Variants in PDS5B observed in about 807,000 individuals in gnomAD.
The protein encoded by PDS5B is PDS5 cohesin associated factor B, also known as sister chromatid cohesion protein PDS5 homolog B.
PDS5B carries 51 observed loss-of-function variants against 184.1 expected under a neutral mutation model. That is an observed-to-expected ratio of 0.28 (90% CI 0.22 to 0.35). PDS5B has a LOEUF of 0.35. Ranked by LOEUF, PDS5B falls within the 10% of genes least tolerant of loss-of-function variation. The pLI is 1.00. For missense variants in PDS5B, 1,180 were observed against 1,723.3 expected (o/e 0.68, Z 5.58); for synonymous variants, 566 against 569.2 (o/e 0.99, Z 0.08).
rs1566282620 is a variant in PDS5B, at chr13:32,648,850, A to T, written c.78A>T (p.Ile26=). 6.6e-7 allele frequency: 1 copy of T among 1,517,358 alleles called. No homozygotes were observed. Among genetic ancestry groups the T allele is most frequent in the Non-Finnish European group, 9.2e-7 (1 of 1,091,678 alleles). The allele number at this position is 1,517,358 out of a possible 1,614,324, so 94.0% of individuals were successfully genotyped here. Residue 26 remains isoleucine, a synonymous_variant, in exon 2 of 35, where the codon ATA becomes ATT. Transcript: ENST00000315596. ...PPGVKEISDK[I]SKEEMVRRLK... is the part of the protein sequence containing the mutation. Reference sequence around the variant, plus strand: ...GGGTCAAGGAAATATCAGATAAAATATCTAAAGAGGAGATGGTGAGACGAT... The same window carrying T: ...GGGTCAAGGAAATATCAGATAAAATTTCTAAAGAGGAGATGGTGAGACGAT...
intron 1 of PDS5B, among the ~76,000 whole-genome samples, chr13:32,646,875 C>T (rs1950241680): frequency 6.6e-6 from 1 of 152,102 alleles, no homozygotes; most frequent in Non-Finnish European, 1.5e-5. Flanking sequence ...TGGTTGTAAA[C>T]TTCTAGATTT....
chr13:32,691,012 T>C (rs1951532400), intron 13 of PDS5B: 1 of 152,076 alleles, frequency 6.6e-6, no homozygotes, highest in Non-Finnish European at 1.5e-5. Flanking sequence ...CCTTTTTAAT[T>C]ATGTAATAAT....
intron 23 of PDS5B, among the ~76,000 whole-genome samples, chr13:32,744,568 G>A (rs536405239): frequency 1.3e-5 from 2 of 152,098 alleles, no homozygotes; most frequent in South Asian, 4.1e-4. Flanking sequence ...AAAAGTTTAC[G>A]AGGTTAAATA....
At chr13:32,687,032 A>T in intron 11 of PDS5B, 102 bp from the exon 12 acceptor site, 1 of 837,574 alleles carries the variant, frequency 1.2e-6, no homozygotes, top group Non-Finnish European at 1.9e-6. Flanking sequence ...ACTTAAAAAA[A>T]TGTATAAAGG....
rs1215047778 is a variant in PDS5B, at chr13:32,699,643, G to A, written c.1601-87G>A. ...TGAATTTGTACGTAAGGATTTTAAG[G>A]CAATAAAAGGAATGAAAAATATTGA... On this transcript the variant is annotated intron_variant, in intron 15 of 34. Transcript: ENST00000315596. 6 of 684,490 alleles carry A rather than the reference G, an allele frequency of 8.8e-6. No homozygotes were observed. In the Admixed American group the frequency reaches 2.5e-4, roughly 29 times the overall value. The allele number at this position is 684,490 out of a possible 1,614,324, so 42.4% of individuals were successfully genotyped here. A position where few individuals can be genotyped will look rare whatever the true frequency, so the allele number is the denominator to read the frequency against.
chr13:32,752,350 C>G (rs761025398), intron 24 of PDS5B, among the ~76,000 whole-genome samples: 12 of 152,136 alleles, frequency 7.9e-5, no homozygotes, highest in Non-Finnish European at 1.8e-4. Flanking sequence ...GTACTATCCT[C>G]AGTTTCAGGC....
At chr13:32,731,069 T>G (rs1411074413) in intron 19 of PDS5B, among the ~76,000 whole-genome samples, 2 of 152,214 alleles carry the variant, frequency 1.3e-5, no homozygotes, top group African/African-American at 4.8e-5. Flanking sequence ...TTCAGTATAA[T>G]ATTAAAGAAT....
At chr13:32,639,882 A>T (rs964845911) in intron 1 of PDS5B, among the ~76,000 whole-genome samples, 1 of 152,196 alleles carries the variant, frequency 6.6e-6, no homozygotes, top group African/African-American at 2.4e-5. Context: ...TAGTGGTTTG[A>T]TTTGATTTCT....
In PDS5B at chr13:32,735,299, T is replaced by A. The variant is rs958158846; in HGVS notation, c.2375T>A (p.Phe792Tyr). 16 of 1,612,068 alleles carry A rather than the reference T, an allele frequency of 9.9e-6. No homozygotes were observed. Among genetic ancestry groups the A allele is most frequent in the Non-Finnish European group, 1.4e-5 (16 of 1,178,686 alleles). Residue 792 changes from phenylalanine to tyrosine, a missense_variant, in exon 21 of 35, where the codon TTC (phenylalanine) becomes TAC (tyrosine). Physicochemically the swap from Phe to Tyr is conservative, Grantham distance 22. Transcript: ENST00000315596. ...AAPLKSLVATFIVKDLLMNDR... is the reference protein window; with the variant it reads ...AAPLKSLVATYIVKDLLMNDR... ...CCTTTGAAATCTTTGGTAGCTACTT[T>A]CATTGTGAAAGATCTTCTCATGAAT...
intron 15 of PDS5B, among the ~76,000 whole-genome samples, 183 bp downstream of exon 15, chr13:32,697,085 T>C (rs1951728566): frequency 6.6e-6 from 1 of 152,172 alleles, no homozygotes; most frequent in African/African-American, 2.4e-5. Context: ...TTTAAGAGTT[T>C]ATTGAAATCA....
chr13:32,602,334 G>A (rs1045147026), intron 1 of PDS5B, among the ~76,000 whole-genome samples: 2 of 152,140 alleles, frequency 1.3e-5, no homozygotes, highest in African/African-American at 4.8e-5. Flanking sequence ...ACCTATGAGT[G>A]AGAACATGTG....
At chr13:32,654,676 A>ACCCTCCTCC (rs1483968986) in intron 3 of PDS5B, among the ~76,000 whole-genome samples, 1 of 151,814 alleles carries the variant, frequency 6.6e-6, no homozygotes, top group Admixed American at 6.6e-5. Context: ...TCCGATCCTC[A>ACCCTCCTCC]CCCTCCTCCC....
In PDS5B at chr13:32,709,969, C is replaced by A; in HGVS notation, c.1986C>A (p.Ile662=). The change falls in exon 19 of 35, where the codon ATC becomes ATA. Residue 662 remains isoleucine, a synonymous_variant. Transcript: ENST00000315596. ...AGGTACTCTCATTTACACATCCCAT[C>A]TCATTTCATTCTGCTGAAACATTTG... The part of the protein sequence containing the change: ...LLKVLSFTHP[I]SFHSAETFES... 2 of 1,478,324 alleles carry A rather than the reference C, an allele frequency of 1.4e-6. No individual in the cohort carries two copies. The highest frequency in any genetic ancestry group is 1.5e-5 in the South Asian group (1 of 65,398). 91.6% of individuals were successfully genotyped at this position (1,478,324 alleles called of 1,614,324 possible). A position where few individuals can be genotyped will look rare whatever the true frequency, so the allele number is the denominator to read the frequency against.
At chr13:32,744,534 T>G (rs1481123284) in intron 23 of PDS5B, among the ~76,000 whole-genome samples, 5 of 152,112 alleles carry the variant, frequency 3.3e-5, no homozygotes, top group Admixed American at 3.3e-4. Flanking sequence ...CTCTGCTTAA[T>G]AAAGCTAAAA....
intron 1 of PDS5B, among the ~76,000 whole-genome samples, chr13:32,646,114 T>G (rs1195445629): frequency 6.6e-6 from 1 of 152,016 alleles, no homozygotes; most frequent in Non-Finnish European, 1.5e-5. Context: ...AAGCAGGACT[T>G]CCACCTCAGC....
intron 1 of PDS5B, among the ~76,000 whole-genome samples, chr13:32,605,674 A>C (rs946148416): frequency 6.6e-6 from 1 of 152,108 alleles, no homozygotes; most frequent in Admixed American, 6.6e-5. Context: ...TGGGGTGTTA[A>C]AGTCTCCCGT....
intron 10 of PDS5B, among the ~76,000 whole-genome samples, chr13:32,679,264 C>T (rs917366588): frequency 6.6e-6 from 1 of 152,048 alleles, no homozygotes; most frequent in African/African-American, 2.4e-5. Flanking sequence ...CTGTTCAAAT[C>T]CAAATGTCTA....
intron 21 of PDS5B, among the ~76,000 whole-genome samples, chr13:32,736,171 C>G (rs895747422): frequency 2.6e-5 from 4 of 152,044 alleles, no homozygotes; most frequent in Non-Finnish European, 5.9e-5. Flanking sequence ...TCACCCAGTT[C>G]TATTACTGCT....
At chr13:32,663,048 C>G (rs1330193898) in intron 6 of PDS5B, among the ~76,000 whole-genome samples, 22 of 151,932 alleles carry the variant, frequency 1.4e-4, no homozygotes, top group Non-Finnish European at 1.5e-5. Flanking sequence ...AGCCTATAAC[C>G]AATACATTTA....
Sources: allele counts gnomAD v4.1 joint callset (sites outside exome capture counted in the v4.1 genomes callset), GRCh38; gene constraint gnomAD v4.1.1; transcripts MANE v1.5; gene names NCBI Gene and HGNC (gene_info 2026-07-23, HGNC 2026-07-21).